EPB41L1: variants seen among roughly 807,000 people sequenced by gnomAD.
EPB41L1 encodes the protein erythrocyte membrane protein band 4.1 like 1.
EPB41L1 carries 29 observed loss-of-function variants against 97.8 expected under a neutral mutation model. The ratio of observed to expected loss-of-function variants is 0.30; its 90% CI spans 0.22 to 0.40. The LOEUF (loss-of-function observed/expected upper bound fraction) is 0.40, where lower values mean the gene tolerates loss of function less well. EPB41L1 is among the 10% of genes least tolerant of loss of function. EPB41L1 has a pLI of 1.00. For missense variants in EPB41L1, 812 were observed against 1,162.3 expected (o/e 0.70, Z 4.38); for synonymous variants, 383 against 459.2 (o/e 0.83, Z 2.12).
At chr20:36,217,725 G>A (rs1398429935) in intron 17 of EPB41L1, among the ~76,000 whole-genome samples, 1 of 152,200 alleles carries the variant, frequency 6.6e-6, no homozygotes, top group African/African-American at 2.4e-5. Flanking sequence ...GGAACTGCAG[G>A]TGCATCTGGG....
intron 1 of EPB41L1, among the ~76,000 whole-genome samples, chr20:36,159,430 G>A (rs1385992410): frequency 1.3e-5 from 2 of 152,196 alleles, no homozygotes; most frequent in Non-Finnish European, 2.9e-5. Flanking sequence ...CTGTGCAATT[G>A]CAAAGCTCTT....
intron 20 of EPB41L1, 122 bp downstream of exon 20, chr20:36,222,066 G>A: frequency 8.7e-7 from 1 of 1,154,288 alleles, no homozygotes; most frequent in Non-Finnish European, 1.3e-6. Flanking sequence ...TGCTGACCCT[G>A]TTCAGATAAG....
intron 2 of EPB41L1, among the ~76,000 whole-genome samples, chr20:36,132,006 C>T (rs994770809): frequency 6.6e-6 from 1 of 152,136 alleles, no homozygotes; most frequent in African/African-American, 2.4e-5. Context: ...CCAGCTCAGG[C>T]CTGTTCCCCA....
chr20:36,102,058 C>T (rs527536988), intron 1 of EPB41L1, among the ~76,000 whole-genome samples: 2 of 132,756 alleles, frequency 1.5e-5, no homozygotes, highest in African/African-American at 6.5e-5. Flanking sequence ...AAAAACCCAG[C>T]ACTCTTTTTC....
chr20:36,208,248 C>G (rs773282478), intron 14 of EPB41L1: 3 of 371,870 alleles, frequency 8.1e-6, no homozygotes, highest in Non-Finnish European at 1.6e-5. Context: ...CTCTCAGTCC[C>G]AGTGCCAAGT....
intron 6 of EPB41L1, among the ~76,000 whole-genome samples, chr20:36,182,994 G>A (rs548106786): frequency 6.6e-6 from 1 of 152,314 alleles, no homozygotes; most frequent in African/African-American, 2.4e-5. Flanking sequence ...TGGACTGTGT[G>A]TGCAGTCTCG....
intron 17 of EPB41L1, among the ~76,000 whole-genome samples, chr20:36,215,232 G>A (rs899214303): frequency 1.7e-4 from 26 of 152,034 alleles, no homozygotes; most frequent in Admixed American, 1.2e-3. Context: ...GAGGTAAAGC[G>A]ACTTACCCAA....
At chr20:36,138,390 C>G (rs1024611047) in intron 2 of EPB41L1, among the ~76,000 whole-genome samples, 1 of 151,986 alleles carries the variant, frequency 6.6e-6, no homozygotes, top group East Asian at 1.9e-4. Flanking sequence ...CTCAGCCTCC[C>G]GAGTAGCTGG....
intron 2 of EPB41L1, among the ~76,000 whole-genome samples, chr20:36,128,630 G>T (rs547713446): frequency 6.6e-6 from 1 of 152,296 alleles, no homozygotes; most frequent in South Asian, 2.1e-4. Flanking sequence ...TGCCCAGGAG[G>T]ATGACCCGTG....
chr20:36,108,443 G>A (rs1414813310), intron 1 of EPB41L1, among the ~76,000 whole-genome samples: 5 of 151,974 alleles, frequency 3.3e-5, no homozygotes, highest in Non-Finnish European at 7.4e-5. Context: ...GGGAGGCTGA[G>A]GCAGGCGGAT....
rs1229073352 is a variant in EPB41L1, at chr20:36,206,856, C to T, written c.1669-2632C>T. The T allele has an allele frequency of 7.8e-7, 1 of 1,289,914 alleles. No individual in the cohort carries two copies. The highest frequency in any genetic ancestry group is 2.3e-5 in the Admixed American group (1 of 43,568). 79.9% of individuals were successfully genotyped at this position (1,289,914 alleles called of 1,614,324 possible). ...TGCTGGGAAAGGCTGAGGAAAGTCC[C>T]ACAGAGGAACTGAAGAAGCACCCTC... On this transcript the variant is annotated intron_variant, in intron 14 of 21. Transcript: ENST00000338074. The surrounding 1 kb of genome is among the most constrained non-coding windows in gnomAD (Gnocchi z 5.5).
At chr20:36,160,598 AAAAG>A (rs1316484975) in intron 1 of EPB41L1, among the ~76,000 whole-genome samples, 12 of 152,038 alleles carry the variant, frequency 7.9e-5, no homozygotes, top group Non-Finnish European at 1.5e-4. Context: ...ACAAAAAAAA[AAAAG>A]AAAGAAAGAA....
At chr20:36,214,272 G>C (rs2063312188) in intron 16 of EPB41L1, 85 bp from the exon 17 acceptor site, 4 of 1,063,556 alleles carry the variant, frequency 3.8e-6, no homozygotes, top group African/African-American at 3.1e-5. Flanking sequence ...CTGTCACTTT[G>C]TAACTGGGAG....
intron 19 of EPB41L1, 133 bp from the exon 20 acceptor site, chr20:36,221,731 C>A (rs1221691258): frequency 1.3e-6 from 1 of 787,794 alleles, no homozygotes; most frequent in Non-Finnish European, 2.2e-6. Flanking sequence ...AAGAAAAAAT[C>A]TGAGGAAGTC....
chr20:36,154,746 C>A lies in EPB41L1; in HGVS notation c.-165C>A. On this transcript the variant is annotated 5_prime_UTR_variant, in exon 1 of 22. Transcript: ENST00000338074. This position sits in a 1 kb window ranked among gnomAD's most constrained non-coding sequence, Gnocchi z 5.5. Reference sequence around the variant, plus strand: ...CCGCCGCCGCCGCTGCTGCAGTCGGCATCCATCAGCGGGCGGGGGTGTCGC... The same window carrying A: ...CCGCCGCCGCCGCTGCTGCAGTCGGAATCCATCAGCGGGCGGGGGTGTCGC... The A allele has an allele frequency of 2.0e-6, 2 of 986,590 alleles. No individual in the cohort carries two copies. The highest frequency in any genetic ancestry group is 2.4e-6 in the Non-Finnish European group (2 of 830,996). The allele number at this position is 986,590 out of a possible 1,614,324, so 61.1% of individuals were successfully genotyped here.
chr20:36,125,629 G>C (rs1408136735), intron 2 of EPB41L1: 6 of 1,497,458 alleles, frequency 4.0e-6, no homozygotes, highest in Non-Finnish European at 5.3e-6. Context: ...GGAGTTTCCT[G>C]TGTGTGTTGG....
Position 36,209,763 on chromosome 20 carries a change from C to A in EPB41L1, c.1944C>A (p.Ser648Arg), listed in dbSNP as rs202053612. 3.1e-6 allele frequency: 5 copies of A among 1,614,010 alleles called. No individual in the cohort carries two copies. The highest frequency in any genetic ancestry group is 1.7e-6 in the Non-Finnish European group (2 of 1,180,050). ...TGCCTGAGCTCGACCGGGACAAAAG[C>A]GACTCGGACACTGAGGGCCTGCTGT... ...RSLPELDRDKSDSDTEGLLFS... is the reference protein window; with the variant it reads ...RSLPELDRDKRDSDTEGLLFS... The change falls in exon 15 of 22, where the codon AGC becomes AGA. Residue 648 changes from serine to arginine, a missense_variant. Transcript: ENST00000338074. The surrounding 1 kb of genome is among the most constrained non-coding windows in gnomAD (Gnocchi z 4.2).
chr20:36,098,951 C>T (rs2057921228), intron 1 of EPB41L1, among the ~76,000 whole-genome samples: 1 of 152,096 alleles, frequency 6.6e-6, no homozygotes, highest in Admixed American at 6.6e-5. Flanking sequence ...CGGATTATTC[C>T]TGAGGTCAGG....
At chr20:36,182,536 TC>T in intron 6 of EPB41L1, among the ~76,000 whole-genome samples, 189 bp downstream of exon 6, 1 of 152,160 alleles carries the variant, frequency 6.6e-6, no homozygotes, top group African/African-American at 2.4e-5. Flanking sequence ...AGCACAGTGG[TC>T]AGTGGCAGCT....
Sources: gnomAD v4.1 joint callset for allele counts (sites outside exome capture counted in the v4.1 genomes callset) on GRCh38, gnomAD v4.1.1 for gene constraint, Gnocchi (gnomAD v3.1) non-coding constraint, MANE v1.5 for transcripts, NCBI Gene and HGNC (gene_info 2026-07-23, HGNC 2026-07-21) for gene names.